PRKX: variants seen among roughly 807,000 people sequenced by gnomAD.
PRKX encodes cAMP-dependent protein kinase catalytic subunit PRKX.
A neutral mutation model predicts 22.0 loss-of-function variants in PRKX; 12 were observed. The ratio of observed to expected loss-of-function variants is 0.54; its 90% CI spans 0.35 to 0.88. PRKX has a LOEUF of 0.88. Ranked by LOEUF, PRKX falls within the 40% of genes least tolerant of loss-of-function variation. The pLI is 0.01. For missense variants in PRKX, 217 were observed against 308.0 expected (o/e 0.70, Z 2.21); for synonymous variants, 134 against 137.7 (o/e 0.97, Z 0.19).
chrX:3,693,367 C>T (rs1413783726), intron 1 of PRKX, among the ~76,000 whole-genome samples: 1 of 111,271 alleles, frequency 9.0e-6, no homozygotes, highest in Non-Finnish European at 1.9e-5. Context: ...GGTGCTTGGG[C>T]AGAGAATGGG....
At chrX:3,702,868 TC>T (rs1461600496) in intron 1 of PRKX, among the ~76,000 whole-genome samples, 1 of 109,521 alleles carries the variant, frequency 9.1e-6, no homozygotes, top group Admixed American at 9.8e-5. Context: ...TGACTTGTTT[TC>T]CCCCTTTGTA....
intron 1 of PRKX, among the ~76,000 whole-genome samples, chrX:3,695,816 T>C (rs1928432073): frequency 8.9e-6 from 1 of 111,816 alleles, no homozygotes; most frequent in African/African-American, 3.3e-5. Context: ...GCCAGATTCA[T>C]GGTGGTTTTC....
At chrX:3,650,242 C>T (rs1370170998) in intron 3 of PRKX, among the ~76,000 whole-genome samples, 1 of 111,635 alleles carries the variant, frequency 9.0e-6, no homozygotes, top group Non-Finnish European at 1.9e-5. Context: ...AGAAAAATGG[C>T]GGGGCACGGT....
intron 7 of PRKX, among the ~76,000 whole-genome samples, chrX:3,613,957 T>C (rs1168869185): frequency 9.2e-6 from 1 of 109,145 alleles, no homozygotes; most frequent in East Asian, 2.9e-4. Flanking sequence ...TTCTAAGCAT[T>C]CTCCATTCTT....
rs57960952 is a variant in PRKX, at chrX:3,608,578, T to TACACACACACACACACACAC, written c.*371_*390dup. On this transcript the variant is annotated 3_prime_UTR_variant, in exon 9 of 9. Transcript: ENST00000262848. ...TGACTTCTATATATACACACAGGCA[T>TACACACACACACACACACAC]ACACACACACACACACACACACACA... 2 of 94,530 alleles carry TACACACACACACACACACAC rather than the reference T, an allele frequency of 2.1e-5. No individual in the cohort carries two copies. The highest frequency in any genetic ancestry group is 4.2e-5 in the Non-Finnish European group (2 of 47,147). 7.8% of individuals were successfully genotyped at this position (94,530 alleles called of 1,213,427 possible). A position where few individuals can be genotyped will look rare whatever the true frequency, so the allele number is the denominator to read the frequency against.
At chrX:3,621,407 T>A in intron 5 of PRKX, 91 bp from the exon 6 acceptor site, 4 of 821,037 alleles carry the variant, frequency 4.9e-6, no homozygotes, top group South Asian at 4.6e-5. Flanking sequence ...ATAAGATCTA[T>A]CTGACATGAG....
At chrX:3,680,128 G>A (rs766683501) in intron 1 of PRKX, among the ~76,000 whole-genome samples, 2 of 106,126 alleles carry the variant, frequency 1.9e-5, no homozygotes, top group Admixed American at 2.0e-4. Flanking sequence ...ACACATCCTG[G>A]CCTGTTGTTG....
chrX:3,622,529 G>A (rs1193282539), intron 5 of PRKX, among the ~76,000 whole-genome samples: 1 of 110,637 alleles, frequency 9.0e-6, no homozygotes, highest in South Asian at 3.9e-4. Context: ...GCCAGGTGAC[G>A]TCCTAGGGTC....
In PRKX at chrX:3,605,742, A is replaced by T. The variant is rs948224828; in HGVS notation, c.*3227T>A. The T allele has an allele frequency of 1.8e-5, 2 of 112,222 alleles. No individual in the cohort carries two copies. Among genetic ancestry groups the T allele is most frequent in the African/African-American group, 6.5e-5 (2 of 30,885 alleles). The allele number at this position is 112,222 out of a possible 1,213,427, so 9.2% of individuals were successfully genotyped here. On this transcript the variant is annotated 3_prime_UTR_variant, in exon 9 of 9. Coordinates refer to ENST00000262848, the MANE Select transcript of PRKX (RefSeq NM_005044.5). ...AACGCTGAATGGGAAATTCAGTAAC[A>T]AGTGATTGTGCAGTTGTTTGATGGG...
intron 1 of PRKX, among the ~76,000 whole-genome samples, chrX:3,691,743 T>G (rs964723572): frequency 8.9e-6 from 1 of 111,766 alleles, no homozygotes; most frequent in East Asian, 2.8e-4. Flanking sequence ...AGGGAAGAAG[T>G]ATCTCCCTGA....
In PRKX at chrX:3,641,803, G is replaced by T. The variant is rs190480403; in HGVS notation, c.719+49C>A. Reference sequence around the variant, plus strand: ...CCGAGTGGACGAATGGGTGGGGGAAGGGGGTGCTGGCCTGTAAGATGAAGA... The same window carrying T: ...CCGAGTGGACGAATGGGTGGGGGAATGGGGTGCTGGCCTGTAAGATGAAGA... On this transcript the variant is annotated intron_variant, in intron 4 of 8. Transcript: ENST00000262848. 1,004 of 401,487 alleles carry T rather than the reference G, an allele frequency of 2.5e-3. 15 individuals carry two copies. In the African/African-American group the frequency reaches 0.028, roughly 11 times the overall value. 33.1% of individuals were successfully genotyped at this position (401,487 alleles called of 1,213,427 possible).
Position 3,612,499 on chromosome X carries a change from G to A in PRKX, c.952-174C>T, listed in dbSNP as rs753630854. Among the ~76,000 whole-genome samples, 14 of 111,944 alleles carry A rather than the reference G, an allele frequency of 1.3e-4. No individual in the cohort carries two copies. In the South Asian group the frequency reaches 4.1e-3, roughly 33 times the overall value. On this transcript the variant is annotated intron_variant, in intron 7 of 8. Transcript: ENST00000262848. ...GGCAATCTTTGAATTAAAATATTGT[G>A]AATGAGGCTGCGTGTGGGGACTCAC...
At chrX:3,646,737 T>C (rs1008874987) in intron 3 of PRKX, among the ~76,000 whole-genome samples, 4 of 110,601 alleles carry the variant, frequency 3.6e-5, no homozygotes, top group Non-Finnish European at 7.6e-5. Context: ...TTCCTAGAAC[T>C]GTCTGATGGG....
intron 3 of PRKX, among the ~76,000 whole-genome samples, chrX:3,654,469 T>G (rs370396490): frequency 7.2e-5 from 4 of 55,586 alleles, no homozygotes; most frequent in African/African-American, 1.9e-4. Context: ...TTTTTTTTTT[T>G]TTTTTTTTGT....
At chrX:3,673,619 A>G (rs1356254188) in intron 2 of PRKX, among the ~76,000 whole-genome samples, 5 of 110,944 alleles carry the variant, frequency 4.5e-5, no homozygotes, top group Admixed American at 3.8e-4. Context: ...GAGGCATGGT[A>G]GCAAGATGGC....
chrX:3,703,220 G>A (rs1205106847), intron 1 of PRKX, among the ~76,000 whole-genome samples: 2 of 111,371 alleles, frequency 1.8e-5, no homozygotes, highest in African/African-American at 6.6e-5. Context: ...GTTTGAGGCT[G>A]CAGCTGAGCT....
chrX:3,660,074 G>A (rs1013926626), intron 2 of PRKX, among the ~76,000 whole-genome samples: 6 of 111,918 alleles, frequency 5.4e-5, no homozygotes, highest in East Asian at 5.6e-4. Flanking sequence ...GTAATATTTC[G>A]TGATTAAGCA....
chrX:3,654,323 AAT>A (rs1338978274), intron 3 of PRKX, among the ~76,000 whole-genome samples: 1 of 100,808 alleles, frequency 9.9e-6, no homozygotes, highest in Non-Finnish European at 2.0e-5. Context: ...TATATACAAT[AAT>A]ATAGTATTAT....
intron 7 of PRKX, 84 bp downstream of exon 7, chrX:3,615,731 A>G (rs974865457): frequency 3.6e-5 from 28 of 773,188 alleles, no homozygotes; most frequent in Non-Finnish European, 5.4e-5. Context: ...TCAGCCATCA[A>G]TAAAGAAGTC....
Sources: gnomAD v4.1 joint callset for allele counts (sites outside exome capture counted in the v4.1 genomes callset) on GRCh38, gnomAD v4.1.1 for gene constraint, MANE v1.5 for transcripts, NCBI Gene and HGNC (gene_info 2026-07-23, HGNC 2026-07-21) for gene names.